Variants in CSMD2 observed in about 807,000 individuals in gnomAD.
The protein encoded by CSMD2 is CUB and sushi domain-containing protein 2.
CSMD2 carries 130 observed loss-of-function variants against 398.5 expected under a neutral mutation model. That is an observed-to-expected ratio of 0.33 (90% confidence interval 0.28 to 0.38). The LOEUF (loss-of-function observed/expected upper bound fraction) is 0.38, where lower values mean the gene tolerates loss of function less well. CSMD2 is among the 10% of genes least tolerant of loss of function. The probability of loss-of-function intolerance (pLI) is 1.00; values close to 1 mark genes in which losing one functional copy is unlikely to be tolerated. For synonymous variants in CSMD2, 1,828 were observed against 1,908.5 expected (o/e 0.96, Z 1.10); for missense variants, 3,829 against 4,764.9 (o/e 0.80, Z 5.78).
chr1:33,842,422 T>C (rs1660945577), intron 6 of CSMD2, among the ~76,000 whole-genome samples: 1 of 152,198 alleles, frequency 6.6e-6, no homozygotes, highest in African/African-American at 2.4e-5. Flanking sequence ...TTCTCATCTA[T>C]GACTCATGGA....
At chr1:33,679,764 A>G (rs1411969213) in intron 25 of CSMD2, among the ~76,000 whole-genome samples, 2 of 151,582 alleles carry the variant, frequency 1.3e-5, no homozygotes, top group Non-Finnish European at 2.9e-5. Context: ...AGGATTGTCA[A>G]TTTCTCCTCA....
At chr1:33,848,883 G>A (rs1484968047) in intron 5 of CSMD2, among the ~76,000 whole-genome samples, 2 of 151,274 alleles carry the variant, frequency 1.3e-5, no homozygotes, top group African/African-American at 4.9e-5. Context: ...TTTATATAAG[G>A]GAAGTAGAAG....
intron 45 of CSMD2, 78 bp from the exon 46 acceptor site, chr1:33,586,695 TAATC>T: frequency 1.1e-6 from 1 of 898,366 alleles, no homozygotes; most frequent in African/African-American, 1.6e-5. Flanking sequence ...CCAGGTGAGA[TAATC>T]AGAGGCGGGT....
At chr1:34,109,812 G>A (rs944995028) in intron 1 of CSMD2, among the ~76,000 whole-genome samples, 1 of 152,064 alleles carries the variant, frequency 6.6e-6, no homozygotes, top group Non-Finnish European at 1.5e-5. Context: ...GGCCAAGGCG[G>A]GCGGATCACG....
chr1:33,745,996 C>T (rs1242647319), intron 13 of CSMD2, among the ~76,000 whole-genome samples: 1 of 152,174 alleles, frequency 6.6e-6, no homozygotes, highest in Non-Finnish European at 1.5e-5. Context: ...TAAATGGTAG[C>T]GCCAAAGCCA....
At chr1:33,688,776 A>G (rs1280607605) in intron 25 of CSMD2, among the ~76,000 whole-genome samples, 3 of 152,200 alleles carry the variant, frequency 2.0e-5, no homozygotes, top group Non-Finnish European at 4.4e-5. Flanking sequence ...AGACAGTGCC[A>G]CTGTATTCCA....
intron 4 of CSMD2, among the ~76,000 whole-genome samples, chr1:33,923,449 C>T (rs888536905): frequency 2.6e-5 from 4 of 152,146 alleles, no homozygotes; most frequent in Non-Finnish European, 5.9e-5. Flanking sequence ...TGAGCAGATG[C>T]CAATGCCATG....
Position 33,609,532 on chromosome 1 carries a change from C to T in CSMD2, c.6343+1509G>A, listed in dbSNP as rs368742865. On this transcript the variant is annotated intron_variant, in intron 41 of 70. Coordinates refer to ENST00000373381, the MANE Select transcript of CSMD2 (RefSeq NM_001281956.2). ...AAGGTCACAACTAAACAATAGTAGC[C>T]GTTTCTGGAGAATAATCCTGGGTTT... 8.6e-5 allele frequency among the ~76,000 whole-genome samples: 13 copies of T among 152,036 alleles called. No homozygotes were observed. The East Asian group carries it at 1.3e-3, about 16-fold the overall frequency.
intron 26 of CSMD2, among the ~76,000 whole-genome samples, chr1:33,661,451 A>G (rs960761766): frequency 1.3e-5 from 2 of 152,138 alleles, no homozygotes; most frequent in Middle Eastern, 6.3e-3. Flanking sequence ...ATTGTGGCCT[A>G]CCAGACATCT....
At chr1:33,748,618 T>G (rs1014313302) in intron 13 of CSMD2, among the ~76,000 whole-genome samples, 1 of 152,212 alleles carries the variant, frequency 6.6e-6, no homozygotes, top group Non-Finnish European at 1.5e-5. Context: ...GAGTTTTCAG[T>G]AGTCCTTTAT....
At chr1:34,015,453 G>A (rs1647952473) in intron 3 of CSMD2, among the ~76,000 whole-genome samples, 6 of 152,212 alleles carry the variant, frequency 3.9e-5, no homozygotes, top group Admixed American at 3.9e-4. Context: ...AGAAGTGGGT[G>A]GGAGACTAGC....
intron 2 of CSMD2, among the ~76,000 whole-genome samples, chr1:34,076,727 T>A (rs1389002855): frequency 6.6e-6 from 1 of 151,808 alleles, no homozygotes; most frequent in Admixed American, 6.6e-5. Context: ...TTTAATTTAA[T>A]CTTGATCAAC....
intron 1 of CSMD2, among the ~76,000 whole-genome samples, chr1:34,112,328 T>C (rs1012663042): frequency 6.6e-6 from 1 of 152,210 alleles, no homozygotes; most frequent in Non-Finnish European, 1.5e-5. Context: ...CTGCCCTTAA[T>C]GGCCTTTGCT....
intron 3 of CSMD2, among the ~76,000 whole-genome samples, chr1:33,981,381 G>A (rs1192037353): frequency 3.3e-5 from 5 of 152,086 alleles, no homozygotes; most frequent in African/African-American, 7.2e-5. Context: ...TGCCATCCTC[G>A]TTATTTGCAA....
chr1:33,909,279 T>A (rs1204694030), intron 5 of CSMD2, among the ~76,000 whole-genome samples: 3 of 152,094 alleles, frequency 2.0e-5, no homozygotes, highest in African/African-American at 7.2e-5. Context: ...CATGTGCAGC[T>A]CCCTCTGCCT....
intron 44 of CSMD2, among the ~76,000 whole-genome samples, chr1:33,596,999 T>C (rs1326790494): frequency 1.3e-5 from 2 of 152,242 alleles, no homozygotes; most frequent in Non-Finnish European, 2.9e-5. Flanking sequence ...TCTAGACTTA[T>C]ATTAGAAGAA....
In CSMD2 at chr1:34,126,669, T is replaced by C. The variant is rs565908829; in HGVS notation, c.188-37476A>G. ...GGAGATGGGGAGGGCTGGGAGACAC[T>C]GCAGGAGGGAGTGGAGTGGGAAAGA... is the stretch of plus-strand genomic sequence containing the variant. On this transcript the variant is annotated intron_variant, in intron 1 of 70. Transcript: ENST00000373381. 9.9e-5 allele frequency among the ~76,000 whole-genome samples: 15 copies of C among 152,096 alleles called. No individual in the cohort carries two copies. In the South Asian group the frequency reaches 2.9e-3, roughly 30 times the overall value.
At chr1:33,554,103 C>A (rs1422609648) in intron 55 of CSMD2, among the ~76,000 whole-genome samples, 1 of 150,760 alleles carries the variant, frequency 6.6e-6, no homozygotes, top group East Asian at 1.9e-4. Context: ...GAAGCTATAG[C>A]AAGTTATCCA....
At chr1:34,066,932 T>C (rs903952945) in intron 2 of CSMD2, among the ~76,000 whole-genome samples, 1 of 152,096 alleles carries the variant, frequency 6.6e-6, no homozygotes, top group African/African-American at 2.4e-5. Context: ...CTGGAAATGA[T>C]AGTGAAGCAA....
Sources: allele counts gnomAD v4.1 joint callset (sites outside exome capture counted in the v4.1 genomes callset), GRCh38; gene constraint gnomAD v4.1.1; transcripts MANE v1.5; gene names NCBI Gene and HGNC (gene_info 2026-07-23, HGNC 2026-07-21).